The following NELL2 variants were observed in gnomAD, a reference collection of about 807,000 sequenced individuals.
NELL2 encodes the protein neural EGFL like 2, also known as protein kinase C-binding protein NELL2.
NELL2 carries 41 observed loss-of-function variants against 109.6 expected under a neutral mutation model. The observed-to-expected ratio is 0.37, with a 90% CI of 0.29 to 0.49. The LOEUF is 0.49. Among genes scored for constraint, NELL2 ranks in the 20% least tolerant of loss-of-function variants. The probability of loss-of-function intolerance (pLI) is 0.98; values close to 1 mark genes in which losing one functional copy is unlikely to be tolerated. For missense variants in NELL2, 900 were observed against 1,008.3 expected (o/e 0.89, Z 1.45); for synonymous variants, 355 against 344.7 (o/e 1.03, Z -0.33).
At chr12:44,802,066 C>A (rs1270639049) in intron 3 of NELL2, among the ~76,000 whole-genome samples, 1 of 151,996 alleles carries the variant, frequency 6.6e-6, no homozygotes, top group Non-Finnish European at 1.5e-5. Context: ...ATGTTTGTAC[C>A]GTTTTCATAT....
At position 44,722,591 on chromosome 12, in the gene NELL2, G is replaced by T. The variant is rs150320265; in HGVS notation, c.995-7850C>A. ...AGGTAACTAAATATAACTCAGAGAAGAACACAGTCTTACAAGGGTGGAAAT... is the reference window on the plus strand; with the variant it reads ...AGGTAACTAAATATAACTCAGAGAATAACACAGTCTTACAAGGGTGGAAAT... On this transcript the variant is annotated intron_variant, in intron 9 of 19. Transcript: ENST00000429094. 3.8e-4 allele frequency among the ~76,000 whole-genome samples: 58 copies of T among 152,266 alleles called. 1 individual carries two copies. The highest frequency in any genetic ancestry group is 2.2e-4 in the Non-Finnish European group (15 of 68,030).
At chr12:44,771,849 G>A (rs1941564420) in intron 9 of NELL2, among the ~76,000 whole-genome samples, 1 of 152,226 alleles carries the variant, frequency 6.6e-6, no homozygotes, top group African/African-American at 2.4e-5. Flanking sequence ...GCCCAGAAAT[G>A]CGCAAACAAC....
upstream of NELL2, among the ~76,000 whole-genome samples, chr12:44,917,167 T>C (rs1479336863): frequency 3.9e-5 from 6 of 152,142 alleles, no homozygotes; most frequent in Non-Finnish European, 7.3e-5. Context: ...CCCAACAAAC[T>C]TCAGTCCATA....
intron 2 of NELL2, among the ~76,000 whole-genome samples, chr12:44,817,747 A>C (rs59173350): frequency 0.023 from 3,487 of 152,260 alleles, 72 homozygotes; most frequent in East Asian, 0.048. Flanking sequence ...TGTTTCCATC[A>C]CCATTATCAA....
intron 2 of NELL2, among the ~76,000 whole-genome samples, chr12:44,847,427 T>C (rs2136766865): frequency 6.6e-6 from 1 of 152,272 alleles, no homozygotes; most frequent in South Asian, 2.1e-4. Context: ...TTTAACACAG[T>C]GGACTTGTTT....
intron 9 of NELL2, among the ~76,000 whole-genome samples, chr12:44,736,080 G>C (rs1254806207): frequency 7.6e-6 from 1 of 131,982 alleles, no homozygotes; most frequent in Non-Finnish European, 1.5e-5. Context: ...GCGCGATCTT[G>C]ACTCACTGCA....
chr12:44,642,839 G>T (rs775672814), intron 13 of NELL2, among the ~76,000 whole-genome samples: 1 of 152,076 alleles, frequency 6.6e-6, no homozygotes, highest in Non-Finnish European at 1.5e-5. Context: ...CCGAGATCAC[G>T]CCACTGCACT....
rs1945599025 is a variant in NELL2 at position 44,610,975 on chromosome 12, A to G, written c.1445-5T>C. ...TTGTGATACACTCATCATGTTCTGAAATGAGGAATACAATTTTGTTACTCA... is the reference window on the plus strand; with the variant it reads ...TTGTGATACACTCATCATGTTCTGAGATGAGGAATACAATTTTGTTACTCA... On this transcript the variant is annotated splice_polypyrimidine_tract_variant and splice_region_variant and intron_variant, in intron 13 of 19. Transcript: ENST00000429094. The G allele has an allele frequency of 6.2e-7, 1 of 1,611,648 alleles. No homozygotes were observed. Among genetic ancestry groups the G allele is most frequent in the Non-Finnish European group, 8.5e-7 (1 of 1,178,384 alleles).
At chr12:44,695,062 G>GGA in intron 12 of NELL2, among the ~76,000 whole-genome samples, 4 of 148,734 alleles carry the variant, frequency 2.7e-5, no homozygotes, top group African/African-American at 1.0e-4. Context: ...AAGGAAGGAA[G>GGA]AGAGGGAGGA....
intron 12 of NELL2, among the ~76,000 whole-genome samples, chr12:44,694,865 T>C (rs1200255229): frequency 6.6e-6 from 1 of 152,164 alleles, no homozygotes; most frequent in Non-Finnish European, 1.5e-5. Context: ...TGTGAGGCTA[T>C]CGCTCATCTT....
In NELL2 at chr12:44,777,280, G is replaced by A; in HGVS notation, c.641C>T (p.Pro214Leu). ...TGGGCACTGAGCAATAAATCCCTGGGGCATGACAAGTAATTGGACATCTTG... is the reference window on the plus strand; with the variant it reads ...TGGGCACTGAGCAATAAATCCCTGGAGCATGACAAGTAATTGGACATCTTG... ...IMQDVQLLVM[P>L]QGFIAQCPDL... Residue 214 changes from proline (P) to leucine (L), a missense_variant, in exon 6 of 20, where the codon CCC becomes CTC. Physicochemically the swap from Pro to Leu is moderately conservative, Grantham distance 98 (BLOSUM62 -3). This residue lies in a region of NELL2 where 75 missense variants were observed against 118.9 expected (regional missense o/e 0.63). Transcript: ENST00000429094. The A allele has an allele frequency of 6.2e-7, 1 of 1,613,704 alleles. No individual in the cohort carries two copies. Among genetic ancestry groups the A allele is most frequent in the Non-Finnish European group, 8.5e-7 (1 of 1,179,736 alleles).
At chr12:44,614,285 G>A (rs574280352) in intron 13 of NELL2, among the ~76,000 whole-genome samples, 10 of 151,832 alleles carry the variant, frequency 6.6e-5, no homozygotes, top group South Asian at 4.2e-4. Flanking sequence ...TTAATTATTC[G>A]TTGTGTCTAT....
chr12:44,647,709 G>T (rs1947142133), intron 13 of NELL2, among the ~76,000 whole-genome samples: 1 of 151,542 alleles, frequency 6.6e-6, no homozygotes, highest in Admixed American at 6.6e-5. Flanking sequence ...TGTTTGTTAA[G>T]CAACAGAAGG....
intron 12 of NELL2, among the ~76,000 whole-genome samples, chr12:44,666,862 C>T (rs757881458): frequency 1.3e-5 from 2 of 152,104 alleles, no homozygotes; most frequent in Non-Finnish European, 2.9e-5. Flanking sequence ...AGTGTTCTGG[C>T]CACATAGTTT....
intron 15 of NELL2, among the ~76,000 whole-genome samples, chr12:44,536,886 G>A (rs141295181): frequency 1.3e-5 from 2 of 151,892 alleles, no homozygotes; most frequent in East Asian, 1.9e-4. Flanking sequence ...CATACTCTGG[G>A]GATCAGTATT....
intron 1 of NELL2, among the ~76,000 whole-genome samples, chr12:44,887,580 T>C (rs1945487853): frequency 6.6e-6 from 1 of 151,942 alleles, no homozygotes; most frequent in Non-Finnish European, 1.5e-5. Flanking sequence ...TTGAGAAATG[T>C]CTGTTCAGAT....
At chr12:44,605,138 G>GC (rs953117821) in intron 15 of NELL2, among the ~76,000 whole-genome samples, 2 of 151,992 alleles carry the variant, frequency 1.3e-5, no homozygotes, top group Admixed American at 6.6e-5. Context: ...TGGATTTAAG[G>GC]CCCCCCAAAG....
rs183790228 is a variant in NELL2 at position 44,801,623 on chromosome 12, T to C, written c.335+14363A>G. The stretch of plus-strand genomic sequence containing the variant: ...TCTCAGGGTCCCATTTCCTTGTCTG[T>C]AAGATAGGAATAATAATGGTACCTA... On this transcript the variant is annotated intron_variant, in intron 3 of 19. Coordinates refer to ENST00000429094, the MANE Select transcript of NELL2 (RefSeq NM_001145108.2). Among the ~76,000 whole-genome samples, 10 of 152,258 alleles carry C rather than the reference T, an allele frequency of 6.6e-5. No homozygotes were observed. The East Asian group carries it at 1.7e-3, about 26-fold the overall frequency.
intron 2 of NELL2, among the ~76,000 whole-genome samples, chr12:44,855,126 T>C (rs531008700): frequency 1.3e-5 from 2 of 152,218 alleles, no homozygotes; most frequent in Non-Finnish European, 2.9e-5. Context: ...ATTTCTATAC[T>C]TATATCACTC....
Sources: allele counts gnomAD v4.1 joint callset (sites outside exome capture counted in the v4.1 genomes callset), GRCh38; gene constraint gnomAD v4.1.1; regional missense constraint gnomAD v4.1.1; transcripts MANE v1.5; gene names NCBI Gene and HGNC (gene_info 2026-07-23, HGNC 2026-07-21).